Variants in BTRC observed in about 807,000 individuals in gnomAD.
The protein encoded by BTRC is F-box/WD repeat-containing protein 1A.
In BTRC, 42 loss-of-function variants were observed where a neutral mutation model predicts 85.5. The observed-to-expected ratio is 0.49, with a 90% confidence interval of 0.38 to 0.64. The LOEUF (loss-of-function observed/expected upper bound fraction) is 0.64. Ranked by LOEUF, BTRC falls within the 30% of genes least tolerant of loss-of-function variation. The pLI is 0.00. For synonymous variants in BTRC, 255 were observed against 263.3 expected (o/e 0.97, Z 0.30); for missense variants, 594 against 743.5 (o/e 0.80, Z 2.34).
intron 4 of BTRC, among the ~76,000 whole-genome samples, chr10:101,509,553 C>CT (rs747841828): frequency 0.018 from 2,344 of 129,358 alleles, 73 homozygotes; most frequent in African/African-American, 0.056. Context: ...CGCGCCCAGC[C>CT]TTTTTTTTTT....
chr10:101,408,601 T>C (rs11190995), intron 1 of BTRC, among the ~76,000 whole-genome samples: 1,555 of 152,364 alleles, frequency 0.01, 17 homozygotes, highest in Non-Finnish European at 0.017. Flanking sequence ...TCACTGGGCC[T>C]GGCCCTTTTT....
chr10:101,385,944 G>C (rs1943067575), intron 1 of BTRC, among the ~76,000 whole-genome samples: 1 of 151,828 alleles, frequency 6.6e-6, no homozygotes, highest in Admixed American at 6.6e-5. Flanking sequence ...TGTAAAACTT[G>C]AGCTTCATCA....
intron 1 of BTRC, among the ~76,000 whole-genome samples, chr10:101,369,219 A>T (rs573773358): frequency 4.3e-4 from 61 of 143,138 alleles, no homozygotes; most frequent in South Asian, 3.6e-3. Context: ...GAGTATTATT[A>T]TTTTTTTTTT....
chr10:101,374,472 G>A (rs1489929347), intron 1 of BTRC, among the ~76,000 whole-genome samples: 3 of 150,242 alleles, frequency 2.0e-5, no homozygotes, highest in Non-Finnish European at 4.4e-5. Flanking sequence ...ATGAGTTCAT[G>A]TCCTTTGTAG....
At chr10:101,505,006 A>G (rs1490969731) in intron 4 of BTRC, among the ~76,000 whole-genome samples, 3 of 149,572 alleles carry the variant, frequency 2.0e-5, no homozygotes, top group Admixed American at 6.7e-5. Context: ...CAGTGGTACA[A>G]TCTCAGCTCA....
intron 4 of BTRC, among the ~76,000 whole-genome samples, chr10:101,483,757 G>A (rs1252147918): frequency 6.6e-6 from 1 of 152,064 alleles, no homozygotes; most frequent in Non-Finnish European, 1.5e-5. Context: ...TGAGCTCTGT[G>A]TTTATTGTAG....
chr10:101,422,373 C>G (rs1944126552), intron 1 of BTRC, among the ~76,000 whole-genome samples: 1 of 151,960 alleles, frequency 6.6e-6, no homozygotes, highest in Non-Finnish European at 1.5e-5. Context: ...GGATATTAGC[C>G]CTTTGTCAGA....
intron 6 of BTRC, among the ~76,000 whole-genome samples, chr10:101,530,675 G>C (rs1357418867): frequency 6.6e-6 from 1 of 151,578 alleles, no homozygotes; most frequent in Non-Finnish European, 1.5e-5. Context: ...TAAAGGCTTG[G>C]TACTCCGATG....
intron 1 of BTRC, among the ~76,000 whole-genome samples, chr10:101,368,648 G>A (rs968431508): frequency 1.3e-5 from 2 of 151,774 alleles, no homozygotes; most frequent in Non-Finnish European, 2.9e-5. Flanking sequence ...GTCAGCCAAT[G>A]TTTTTCATTT....
intron 4 of BTRC, among the ~76,000 whole-genome samples, chr10:101,516,708 T>A (rs1243294742): frequency 2.6e-5 from 4 of 152,202 alleles, no homozygotes; most frequent in Non-Finnish European, 5.9e-5. Flanking sequence ...ACTTTTTAAA[T>A]CCTTAGGCAG....
At chr10:101,413,557 A>T (rs967141467) in intron 1 of BTRC, among the ~76,000 whole-genome samples, 1 of 151,898 alleles carries the variant, frequency 6.6e-6, no homozygotes, top group Admixed American at 6.6e-5. Flanking sequence ...CAGGTGATCC[A>T]CCCGCCTTGG....
At chr10:101,542,748 A>AT (rs895868591) in intron 13 of BTRC, among the ~76,000 whole-genome samples, 27 of 150,010 alleles carry the variant, frequency 1.8e-4, no homozygotes, top group Non-Finnish European at 2.8e-4. Context: ...ATTTTTTTGT[A>AT]TTTTTTTTTA....
chr10:101,433,599 TA>T (rs1448324449), intron 2 of BTRC, among the ~76,000 whole-genome samples: 1 of 152,078 alleles, frequency 6.6e-6, no homozygotes. Flanking sequence ...TTTCAGAGAA[TA>T]AAGAGAAAGG....
At chr10:101,470,229 C>T (rs1020463098) in intron 3 of BTRC, among the ~76,000 whole-genome samples, 2 of 151,662 alleles carry the variant, frequency 1.3e-5, no homozygotes, top group South Asian at 4.2e-4. Flanking sequence ...GATATATGTA[C>T]TCTGATTATA....
chr10:101,433,635 G>T (rs576443621), intron 2 of BTRC, among the ~76,000 whole-genome samples: 1 of 152,212 alleles, frequency 6.6e-6, no homozygotes, highest in Admixed American at 6.5e-5. Context: ...GAAAAGACTG[G>T]GGAAGCTTGA....
At position 101,402,404 on chromosome 10, in the gene BTRC, T is replaced by C. The variant is rs187460041; in HGVS notation, c.49-27941T>C. Among the ~76,000 whole-genome samples the C allele has an allele frequency of 4.2e-3, 642 of 152,342 alleles. 8 individuals carry two copies. Among genetic ancestry groups the C allele is most frequent in the African/African-American group, 0.015 (612 of 41,572 alleles). Reference sequence around the variant, plus strand: ...TCAAAATTCTAGTTTATCAGTGTTGTATTTGACTAATTGCCTACTTAATAA... The same window carrying C: ...TCAAAATTCTAGTTTATCAGTGTTGCATTTGACTAATTGCCTACTTAATAA... On this transcript the variant is annotated intron_variant, in intron 1 of 14. Transcript: ENST00000370187.
At chr10:101,411,970 T>G (rs1227288609) in intron 1 of BTRC, among the ~76,000 whole-genome samples, 2 of 152,224 alleles carry the variant, frequency 1.3e-5, no homozygotes, top group African/African-American at 2.4e-5. Context: ...TTTATTCTAG[T>G]GTAGTTCATC....
At chr10:101,388,328 A>G (rs1943138631) in intron 1 of BTRC, among the ~76,000 whole-genome samples, 1 of 116,616 alleles carries the variant, frequency 8.6e-6, no homozygotes, top group South Asian at 2.8e-4. Context: ...ACACCCAGCT[A>G]ATTTTTATTT....
intron 1 of BTRC, among the ~76,000 whole-genome samples, chr10:101,377,478 A>T (rs1390954337): frequency 6.6e-6 from 1 of 152,200 alleles, no homozygotes; most frequent in African/African-American, 2.4e-5. Context: ...TGATTGTACC[A>T]GTTGGCATTC....
Sources: gnomAD v4.1 joint callset for allele counts (sites outside exome capture counted in the v4.1 genomes callset) on GRCh38, gnomAD v4.1.1 for gene constraint, MANE v1.5 for transcripts, NCBI Gene and HGNC (gene_info 2026-07-23, HGNC 2026-07-21) for gene names.